Variants in TIAM2 observed in about 807,000 individuals in gnomAD.
TIAM2 encodes TIAM Rac1 associated GEF 2, also known as rho guanine nucleotide exchange factor TIAM2.
Under a neutral mutation model 152.9 loss-of-function variants are expected in TIAM2, and 80 were observed. That is an observed-to-expected ratio of 0.52 (90% CI 0.44 to 0.63). TIAM2 has a LOEUF of 0.63. Among genes scored for constraint, TIAM2 ranks in the 30% least tolerant of loss-of-function variants. The pLI is 0.00. For synonymous variants in TIAM2, 804 were observed against 838.0 expected, an observed-to-expected ratio of 0.96 and a Z score of 0.70; for missense variants, 1,965 against 2,120.1, an observed-to-expected ratio of 0.93 and a Z score of 1.44.
Position 155,129,218 on chromosome 6 carries a change from G to A in TIAM2, c.-6G>A. The stretch of plus-strand genomic sequence containing the variant: ...ACTGATGCAACTGTTCTTAATTTAG[G>A]TTAAAATGGGCAACTCCGACAGTCA... On this transcript the variant is annotated splice_region_variant and 5_prime_UTR_variant, in exon 4 of 27. Transcript: ENST00000682666. This position sits in a 1 kb window ranked among gnomAD's most constrained non-coding sequence, Gnocchi z 4.8. The A allele has an allele frequency of 4.3e-6, 7 of 1,609,622 alleles. No homozygotes were observed. Among genetic ancestry groups the A allele is most frequent in the Non-Finnish European group, 6.0e-6 (7 of 1,176,382 alleles).
intron 1 of TIAM2, among the ~76,000 whole-genome samples, chr6:155,073,193 C>T (rs894419572): frequency 6.9e-5 from 9 of 131,314 alleles, no homozygotes; most frequent in African/African-American, 2.7e-4. Flanking sequence ...GACTAAGTCT[C>T]GCTCTGCTGC....
intron 10 of TIAM2, 74 bp downstream of exon 10, chr6:155,177,051 A>T: frequency 6.8e-7 from 1 of 1,467,600 alleles, no homozygotes; most frequent in South Asian, 1.3e-5. Flanking sequence ...TGCCTTCTAA[A>T]TTCATGTGAT....
intron 18 of TIAM2, 59 bp downstream of exon 18, chr6:155,244,842 T>C: frequency 1.3e-6 from 2 of 1,515,466 alleles, no homozygotes; most frequent in Non-Finnish European, 1.8e-6. Flanking sequence ...CGTATTTCTC[T>C]CATGAGAATT....
At chr6:155,178,721 T>C (rs1583232635) in intron 10 of TIAM2, among the ~76,000 whole-genome samples, 2 of 152,144 alleles carry the variant, frequency 1.3e-5, no homozygotes, top group East Asian at 3.9e-4. Context: ...ATTATAGGTG[T>C]GTGCCACTAC....
intron 25 of TIAM2, 74 bp from the exon 26 acceptor site, chr6:155,254,345 C>A: frequency 6.4e-7 from 1 of 1,559,156 alleles, no homozygotes; most frequent in South Asian, 1.2e-5. Flanking sequence ...GGCACAGGAA[C>A]ACAGGCGGGC....
intron 9 of TIAM2, among the ~76,000 whole-genome samples, chr6:155,173,540 C>T (rs748555296): frequency 3.3e-5 from 5 of 152,188 alleles, no homozygotes; most frequent in Admixed American, 6.5e-5. Flanking sequence ...AAGAACTTGA[C>T]ACTATGTCAA....
At chr6:155,048,664 G>A (rs768749288) in intron 1 of TIAM2, among the ~76,000 whole-genome samples, 5 of 152,190 alleles carry the variant, frequency 3.3e-5, no homozygotes, top group East Asian at 1.9e-4. Context: ...TCGGGAGGCC[G>A]CATTAGGACT....
chr6:155,144,296 T>G (rs1461414065), intron 5 of TIAM2, among the ~76,000 whole-genome samples: 1 of 152,216 alleles, frequency 6.6e-6, no homozygotes, highest in Non-Finnish European at 1.5e-5. Context: ...TAAATAACCC[T>G]GCCCACCTTA....
At chr6:155,157,231 T>G (rs1479001194) in intron 7 of TIAM2, among the ~76,000 whole-genome samples, 2 of 152,144 alleles carry the variant, frequency 1.3e-5, no homozygotes, top group Non-Finnish European at 2.9e-5. Flanking sequence ...CACTTCCCAG[T>G]GTTCCAGGCC....
intron 2 of TIAM2, among the ~76,000 whole-genome samples, chr6:155,125,351 T>C (rs1779267264): frequency 6.6e-6 from 1 of 152,138 alleles, no homozygotes; most frequent in South Asian, 2.1e-4. Context: ...TGGCTCAATA[T>C]CACTTATCAT....
chr6:155,138,510 T>C (rs745734259), intron 5 of TIAM2, among the ~76,000 whole-genome samples: 25 of 152,142 alleles, frequency 1.6e-4, no homozygotes, highest in Non-Finnish European at 3.1e-4. Flanking sequence ...TAGGTATATG[T>C]GTGCCATGTT....
At chr6:155,024,114 T>C (rs1013951296) in intron 1 of TIAM2, among the ~76,000 whole-genome samples, 1 of 152,198 alleles carries the variant, frequency 6.6e-6, no homozygotes, top group African/African-American at 2.4e-5. Context: ...GTTTTGACCT[T>C]GTCTGACTCC....
chr6:155,026,495 T>A (rs1180448936), intron 1 of TIAM2, among the ~76,000 whole-genome samples: 1 of 152,214 alleles, frequency 6.6e-6, no homozygotes, highest in Non-Finnish European at 1.5e-5. Flanking sequence ...TTTATCATCA[T>A]GTTTCGAAGG....
At chr6:155,105,208 G>A (rs1254611393) in intron 2 of TIAM2, among the ~76,000 whole-genome samples, 1 of 152,192 alleles carries the variant, frequency 6.6e-6, no homozygotes, top group African/African-American at 2.4e-5. Flanking sequence ...CTCCCAGGCT[G>A]TAGTGCAGTG....
chr6:155,098,138 AC>A (rs1195050606), intron 2 of TIAM2, among the ~76,000 whole-genome samples: 1 of 152,068 alleles, frequency 6.6e-6, no homozygotes, highest in African/African-American at 2.4e-5. Context: ...ATTGATCTAT[AC>A]CTTTGGCTAT....
At chr6:155,094,730 T>G (rs540236158) in intron 2 of TIAM2, among the ~76,000 whole-genome samples, 16 of 143,204 alleles carry the variant, frequency 1.1e-4, no homozygotes, top group South Asian at 8.8e-4. Flanking sequence ...TATGGTTTTT[T>G]TTTTTTTGTT....
At chr6:155,019,257 C>T (rs1173861132) in intron 1 of TIAM2, among the ~76,000 whole-genome samples, 4 of 151,684 alleles carry the variant, frequency 2.6e-5, no homozygotes, top group East Asian at 3.9e-4. Context: ...TCATTTGAAC[C>T]GGGGAGGTGG....
intron 1 of TIAM2, among the ~76,000 whole-genome samples, chr6:155,029,153 C>T (rs188764077): frequency 8.9e-6 from 1 of 112,456 alleles, no homozygotes; most frequent in Non-Finnish European, 1.8e-5. Flanking sequence ...ACTATATGTA[C>T]TATGTGTTAT....
intron 1 of TIAM2, among the ~76,000 whole-genome samples, chr6:155,079,807 G>T (rs1778024156): frequency 6.6e-6 from 1 of 152,154 alleles, no homozygotes; most frequent in African/African-American, 2.4e-5. Context: ...AATCAGCTGG[G>T]CGTGATGGTG....
Sources: gnomAD v4.1 joint callset for allele counts (sites outside exome capture counted in the v4.1 genomes callset) on GRCh38, gnomAD v4.1.1 for gene constraint, Gnocchi (gnomAD v3.1) non-coding constraint, MANE v1.5 for transcripts, NCBI Gene and HGNC (gene_info 2026-07-23, HGNC 2026-07-21) for gene names.